The following MAK variants were observed in gnomAD, a reference collection of about 807,000 sequenced individuals.
The protein encoded by MAK is serine/threonine-protein kinase MAK.
Under a neutral mutation model 82.6 loss-of-function variants are expected in MAK, and 65 were observed. The observed-to-expected ratio is 0.79, with a 90% CI of 0.64 to 0.97. The LOEUF is 0.97. Among genes scored for constraint, MAK ranks in the 50% least tolerant of loss-of-function variants. The pLI is 0.00. For synonymous variants in MAK, 250 were observed against 274.2 expected (o/e 0.91, Z 0.87); for missense variants, 703 against 780.2 (o/e 0.90, Z 1.18).
intron 13 of MAK, among the ~76,000 whole-genome samples, chr6:10,772,812 C>A (rs554629497): frequency 6.6e-6 from 1 of 152,272 alleles, no homozygotes; most frequent in Non-Finnish European, 1.5e-5. Flanking sequence ...TTTAAGAAGA[C>A]CAGCACAGAG....
Position 10,800,381 on chromosome 6 carries a change from A to G in MAK, c.831+1511T>C, listed in dbSNP as rs977572097. On this transcript the variant is annotated intron_variant, in intron 8 of 14. Coordinates refer to ENST00000354489, the MANE Select transcript of MAK (RefSeq NM_001242957.3). The surrounding 1 kb of genome is among the most constrained non-coding windows in gnomAD (Gnocchi z 4.2). ...TATCTTTCCATTTTAAGATTTTTAC[A>G]TAGAGAAAAATTTTACTTTTTATGT... Among the ~76,000 whole-genome samples, 3 of 152,182 alleles carry G rather than the reference A, an allele frequency of 2.0e-5. No individual in the cohort carries two copies. Among genetic ancestry groups the G allele is most frequent in the Non-Finnish European group, 4.4e-5 (3 of 68,040 alleles).
intron 11 of MAK, among the ~76,000 whole-genome samples, chr6:10,782,527 A>AT (rs938409515): frequency 2.8e-5 from 4 of 143,260 alleles, no homozygotes; most frequent in Non-Finnish European, 6.1e-5. Context: ...ACTTGCTTTC[A>AT]TTTTTTTTCT....
At chr6:10,794,605 C>T (rs1775355085) in intron 9 of MAK, among the ~76,000 whole-genome samples, 1 of 152,016 alleles carries the variant, frequency 6.6e-6, no homozygotes, top group African/African-American at 2.4e-5. Context: ...GAGTGTATAC[C>T]CAGTGGGACA....
intron 2 of MAK, among the ~76,000 whole-genome samples, chr6:10,826,119 G>A (rs527558219): frequency 5.8e-4 from 88 of 152,052 alleles, no homozygotes; most frequent in African/African-American, 2.0e-3. Flanking sequence ...TGCCCCACTC[G>A]TAATCCACGC....
At chr6:10,816,481 C>A (rs1777515003) in intron 4 of MAK, among the ~76,000 whole-genome samples, 1 of 151,928 alleles carries the variant, frequency 6.6e-6, no homozygotes, top group Non-Finnish European at 1.5e-5. Context: ...AAGTATATAT[C>A]ATTTCAATAT....
In MAK at chr6:10,805,707, C is replaced by A. The variant is rs190330966; in HGVS notation, c.492-1816G>T. ...ACTTAAAGTGAAACTTTCCAAGAAC[C>A]TACTGATGATGTTAAGTGAGAACTT... On this transcript the variant is annotated intron_variant, in intron 6 of 14. Transcript: ENST00000354489. 2.5e-3 allele frequency among the ~76,000 whole-genome samples: 383 copies of A among 152,240 alleles called. 1 individual carries two copies. The highest frequency in any genetic ancestry group is 4.1e-3 in the Non-Finnish European group (280 of 68,008).
chr6:10,806,665 G>C (rs1041988253), intron 6 of MAK, among the ~76,000 whole-genome samples: 16 of 151,634 alleles, frequency 1.1e-4, no homozygotes, highest in African/African-American at 3.9e-4. Context: ...CCTAATTTTT[G>C]TATTTTTAGT....
intron 11 of MAK, among the ~76,000 whole-genome samples, chr6:10,783,480 G>A (rs1240402153): frequency 6.6e-6 from 1 of 152,130 alleles, no homozygotes; most frequent in African/African-American, 2.4e-5. Context: ...CGTTCACCCA[G>A]TTCCCAAGTC....
chr6:10,810,114 AAGAAAG>A (rs1561983245), intron 5 of MAK, among the ~76,000 whole-genome samples: 1 of 112,780 alleles, frequency 8.9e-6, no homozygotes, highest in Non-Finnish European at 1.8e-5. Context: ...AAAAAAAAAA[AAGAAAG>A]AAAAGAAAAA....
In MAK at chr6:10,837,067, T is replaced by C. The variant is rs570392034; in HGVS notation, c.-230+1436A>G. ...AAAGAAGATTAGCAAAGAGGGCAAA[T>C]GAAGGGTAAAACAAGCGTCTGCCAA... On this transcript the variant is annotated intron_variant, in intron 1 of 14. Coordinates refer to ENST00000354489, the MANE Select transcript of MAK (RefSeq NM_001242957.3). Among the ~76,000 whole-genome samples, 3 of 152,234 alleles carry C rather than the reference T, an allele frequency of 2.0e-5. No individual in the cohort carries two copies. In the South Asian group the frequency reaches 6.2e-4, roughly 32 times the overall value.
At chr6:10,771,516 G>A (rs1773016359) in intron 13 of MAK, among the ~76,000 whole-genome samples, 2 of 152,194 alleles carry the variant, frequency 1.3e-5, no homozygotes, top group African/African-American at 4.8e-5. Context: ...AAGGGAGACA[G>A]GTTTATCTCT....
chr6:10,831,725 G>A (rs928984726), intron 1 of MAK, among the ~76,000 whole-genome samples: 3 of 152,064 alleles, frequency 2.0e-5, no homozygotes, highest in Non-Finnish European at 4.4e-5. Flanking sequence ...CATCCTGGGT[G>A]ACAGAGTAAG....
intron 10 of MAK, 90 bp from the exon 11 acceptor site, chr6:10,784,662 T>TCGCCCACCCTCTGCACATC (rs374889861): frequency 1.1e-4 from 129 of 1,180,312 alleles, no homozygotes; most frequent in South Asian, 2.0e-4. Context: ...TCTGCACATC[T>TCGCCCACCCTCTGCACATC]TCCTAAGCCA....
chr6:10,784,807 A>G, intron 10 of MAK: 1 of 656,822 alleles, frequency 1.5e-6, no homozygotes, highest in South Asian at 1.5e-5. Flanking sequence ...TTTATAACTG[A>G]GCAGCAATTT....
intron 12 of MAK, 133 bp downstream of exon 12, chr6:10,775,195 G>A (rs1183724045): frequency 2.0e-6 from 2 of 1,000,970 alleles, no homozygotes; most frequent in African/African-American, 3.2e-5. Context: ...CCCATAGGCA[G>A]AGTGTAGTGG....
chr6:10,831,832 GA>G (rs1163426912), intron 1 of MAK, among the ~76,000 whole-genome samples: 4 of 152,208 alleles, frequency 2.6e-5, no homozygotes, highest in Non-Finnish European at 5.9e-5. Context: ...AATCAAACTT[GA>G]ATGAATGAGG....
intron 1 of MAK, chr6:10,838,212 G>C (rs1046425628): frequency 6.6e-6 from 1 of 152,398 alleles, no homozygotes; most frequent in Non-Finnish European, 1.5e-5. Context: ...ACGCCAGGCC[G>C]GCCCCCGCGG....
Position 10,797,522 on chromosome 6 carries a change from C to T in MAK, c.832-1213G>A, listed in dbSNP as rs140821297. On this transcript the variant is annotated intron_variant, in intron 8 of 14. Transcript: ENST00000354489. The stretch of plus-strand genomic sequence containing the variant: ...CAGCAAAGAGTTATCTGGTTCACAA[C>T]GTCAGTAAGGCTAAAACCGAAAAAA... 1.7e-4 allele frequency: 149 copies of T among 876,174 alleles called. No individual in the cohort carries two copies. The African/African-American group carries it at 1.9e-3, about 11-fold the overall frequency. The allele number at this position is 876,174 out of a possible 1,614,324, so 54.3% of individuals were successfully genotyped here.
intron 1 of MAK, among the ~76,000 whole-genome samples, chr6:10,831,289 C>G (rs1044256311): frequency 6.6e-6 from 1 of 151,914 alleles, no homozygotes; most frequent in Admixed American, 6.6e-5. Context: ...TATAAGTACC[C>G]CAATTGGGTA....
Sources: gnomAD v4.1 joint callset for allele counts (sites outside exome capture counted in the v4.1 genomes callset) on GRCh38, gnomAD v4.1.1 for gene constraint, Gnocchi (gnomAD v3.1) non-coding constraint, MANE v1.5 for transcripts, NCBI Gene and HGNC (gene_info 2026-07-23, HGNC 2026-07-21) for gene names.